Variants in ATP5MC2 observed in about 807,000 individuals in gnomAD.
ATP5MC2 encodes the protein ATP synthase F(0) complex subunit C2, mitochondrial.
Under a neutral mutation model 13.5 loss-of-function variants are expected in ATP5MC2, and 11 were observed. The observed-to-expected ratio is 0.81, with a 90% CI of 0.51 to 1.35. ATP5MC2 has a LOEUF of 1.35. Among genes scored for constraint, ATP5MC2 ranks in the 40% most tolerant of loss-of-function variants. ATP5MC2 has a pLI of 0.00. For missense variants in ATP5MC2, 132 were observed against 175.0 expected (o/e 0.75, Z 1.39); for synonymous variants, 64 against 69.7 (o/e 0.92, Z 0.41).
At chr12:53,676,323 T>C (rs144341824), upstream of ATP5MC2, 6 of 1,392,776 alleles carry the variant, frequency 4.3e-6, no homozygotes, top group East Asian at 2.4e-5. Flanking sequence ...ATCCGTAACG[T>C]GGACTGCGGT....
intron 4 of ATP5MC2, among the ~76,000 whole-genome samples, chr12:53,667,994 T>TATATATAA (rs1219187071): frequency 3.4e-5 from 3 of 88,230 alleles, no homozygotes; most frequent in Non-Finnish European, 4.5e-5. Context: ...TATATATATA[T>TATATATAA]AAATTTTTTT....
chr12:53,667,952 C>CATACACAT (rs71068162), intron 4 of ATP5MC2, among the ~76,000 whole-genome samples: 7 of 110,748 alleles, frequency 6.3e-5, no homozygotes, highest in African/African-American at 1.9e-4. Flanking sequence ...CATACATACA[C>CATACACAT]ACACATATAT....
intron 4 of ATP5MC2, 85 bp from the exon 5 acceptor site, chr12:53,665,513 C>G (rs1474247652): frequency 1.8e-6 from 2 of 1,109,040 alleles, no homozygotes; most frequent in African/African-American, 3.1e-5. Flanking sequence ...AGGGAGAATC[C>G]CCCTCTTCAA....
At chr12:53,673,183 G>A (rs1945154351) in intron 1 of ATP5MC2, 1 of 152,830 alleles carries the variant, frequency 6.5e-6, no homozygotes, top group Non-Finnish European at 1.5e-5. Context: ...GCCAGGTGTG[G>A]TAGCACGCGC....
chr12:53,676,082 G>C lies in ATP5MC2; in HGVS notation c.-61C>G. 2 of 1,614,264 alleles carry C rather than the reference G, an allele frequency of 1.2e-6. No individual in the cohort carries two copies. The highest frequency in any genetic ancestry group is 2.2e-5 in the East Asian group (1 of 44,892). The stretch of plus-strand genomic sequence containing the variant: ...TCCCACTGCAGAGAAGACAGAGAGG[G>C]GCGGAGCAGCGGGAAGAGCGAAAGG... On this transcript the variant is annotated 5_prime_UTR_variant, in exon 1 of 5. Transcript: ENST00000394349.
intron 4 of ATP5MC2, among the ~76,000 whole-genome samples, chr12:53,668,518 T>G (rs2138022797): frequency 6.7e-6 from 1 of 149,546 alleles, no homozygotes. Context: ...TTGGCCAGGC[T>G]GGTCTCGAAC....
intron 1 of ATP5MC2, 62 bp downstream of exon 1, chr12:53,675,991 C>T: frequency 6.3e-7 from 1 of 1,585,620 alleles, no homozygotes; most frequent in Admixed American, 1.8e-5. Context: ...AGCATCCGCG[C>T]AAGGTGAGGT....
At chr12:53,667,956 C>CATACACATATATATATAT (rs1944971986) in intron 4 of ATP5MC2, among the ~76,000 whole-genome samples, 14 of 67,372 alleles carry the variant, frequency 2.1e-4, no homozygotes, top group African/African-American at 5.1e-4. Flanking sequence ...CATACACACA[C>CATACACATATATATATAT]ATATATATAT....
upstream of ATP5MC2, chr12:53,676,302 G>A (rs1945273973): frequency 4.7e-6 from 7 of 1,490,120 alleles, no homozygotes; most frequent in South Asian, 7.8e-5. Context: ...CCAACTCCGC[G>A]GAGTAAGCCG....
upstream of ATP5MC2, among the ~76,000 whole-genome samples, chr12:53,681,380 G>C (rs1273533076): frequency 6.6e-6 from 1 of 151,148 alleles, no homozygotes; most frequent in African/African-American, 2.5e-5. Context: ...ACAAAAATTA[G>C]CTGGGCATGG....
Position 53,667,956 on chromosome 12 carries a change from CATATATATATATATAT to C in ATP5MC2, c.311+1176_311+1191del, listed in dbSNP as rs772110168. Among the ~76,000 whole-genome samples the C allele has an allele frequency of 2.4e-3, 161 of 67,370 alleles. 2 individuals carry two copies. Among genetic ancestry groups the C allele is most frequent in the South Asian group, 0.012 (22 of 1,810 alleles). The allele number at this position is 67,370 out of a possible 152,430, so 44.2% of individuals were successfully genotyped here. On this transcript the variant is annotated intron_variant, in intron 4 of 4. Transcript: ENST00000394349. Reference sequence around the variant, plus strand: ...TCTAATACATACATACATACACACACATATATATATATATATATATATATATATATATATATATAAA... The same window carrying C: ...TCTAATACATACATACATACACACACATATATATATATATATATATATAAA...
At chr12:53,672,753 G>T in intron 1 of ATP5MC2, 108 bp from the exon 2 acceptor site, 1 of 960,964 alleles carries the variant, frequency 1.0e-6, no homozygotes, top group South Asian at 1.6e-5. Flanking sequence ...AACAGTGACT[G>T]ACCTTAAGTC....
At chr12:53,678,094 G>A (rs544132332), upstream of ATP5MC2, among the ~76,000 whole-genome samples, 10 of 152,286 alleles carry the variant, frequency 6.6e-5, no homozygotes, top group East Asian at 1.9e-3. Flanking sequence ...AGCCTGCGAT[G>A]TTTAACACTC....
At position 53,676,053 on chromosome 12, in the gene ATP5MC2, C is replaced by T. The variant is rs1945259009; in HGVS notation, c.-32G>A. The T allele has an allele frequency of 1.2e-6, 2 of 1,613,720 alleles. No homozygotes were observed. The highest frequency in any genetic ancestry group is 1.7e-6 in the Non-Finnish European group (2 of 1,179,884). On this transcript the variant is annotated splice_region_variant and 5_prime_UTR_variant, in exon 1 of 5. Transcript: ENST00000394349. ...AGGGCTCTAGGTCCCAAGGCCTTAC[C>T]TGCTCCCACTGCAGAGAAGACAGAG...
chr12:53,681,153 G>A (rs1193942845), upstream of ATP5MC2, among the ~76,000 whole-genome samples: 1 of 151,572 alleles, frequency 6.6e-6, no homozygotes, highest in Non-Finnish European at 1.5e-5. Context: ...TGATCCACCA[G>A]CCTTGGCCTT....
intron 2 of ATP5MC2, among the ~76,000 whole-genome samples, chr12:53,671,919 C>T (rs1945104285): frequency 1.3e-5 from 2 of 151,784 alleles, no homozygotes; most frequent in African/African-American, 4.8e-5. Context: ...CATGGTGTAA[C>T]CCCATCTCTA....
Position 53,672,623 on chromosome 12 carries a change from G to C in ATP5MC2, c.-9C>G, listed in dbSNP as rs770949308. ...TTGGAGCAGGCGAACATTTTCAGGG[G>C]GTGAGGAGCTGTGGCAGGAGAGCTG... On this transcript the variant is annotated 5_prime_UTR_variant, in exon 2 of 5. Transcript: ENST00000394349. 3.8e-6 allele frequency: 6 copies of C among 1,582,722 alleles called. No individual in the cohort carries two copies. The highest frequency in any genetic ancestry group is 5.2e-6 in the Non-Finnish European group (6 of 1,164,212).
chr12:53,666,133 C>T (rs1173842833), intron 4 of ATP5MC2, among the ~76,000 whole-genome samples: 3 of 151,794 alleles, frequency 2.0e-5, no homozygotes, highest in African/African-American at 7.3e-5. Flanking sequence ...CATGGTGAAA[C>T]CCCGTCTCTA....
rs71068162 is a variant in ATP5MC2 at position 53,667,952 on chromosome 12, C to CATAT, written c.311+1195_311+1196insATAT. Among the ~76,000 whole-genome samples the CATAT allele has an allele frequency of 9.5e-4, 105 of 110,736 alleles. 2 individuals are homozygous for CATAT. Among genetic ancestry groups the CATAT allele is most frequent in the African/African-American group, 3.2e-3 (100 of 31,006 alleles). 72.6% of individuals were successfully genotyped at this position (110,736 alleles called of 152,430 possible). ...ACATTCTAATACATACATACATACA[C>CATAT]ACACATATATATATATATATATATA... On this transcript the variant is annotated intron_variant, in intron 4 of 4. Coordinates refer to ENST00000394349, the MANE Select transcript of ATP5MC2 (RefSeq NM_005176.7).
Sources: gnomAD v4.1 joint callset for allele counts (sites outside exome capture counted in the v4.1 genomes callset) on GRCh38, gnomAD v4.1.1 for gene constraint, MANE v1.5 for transcripts, NCBI Gene and HGNC (gene_info 2026-07-23, HGNC 2026-07-21) for gene names.